PRKDC: variants seen among roughly 807,000 people sequenced by gnomAD.
The protein encoded by PRKDC is DNA-dependent protein kinase catalytic subunit.
PRKDC carries 82 observed loss-of-function variants against 486.9 expected under a neutral mutation model. The ratio of observed to expected loss-of-function variants is 0.17; its 90% CI spans 0.14 to 0.20. The LOEUF is 0.20. Among genes scored for constraint, PRKDC ranks in the 10% least tolerant of loss-of-function variants. The probability of loss-of-function intolerance (pLI) is 1.00; values close to 1 mark genes in which losing one functional copy is unlikely to be tolerated. For synonymous variants in PRKDC, 1,895 were observed against 1,837.0 expected (o/e 1.03, Z -0.81); for missense variants, 4,504 against 5,038.2 (o/e 0.89, Z 3.21).
intron 73 of PRKDC, among the ~76,000 whole-genome samples, chr8:47,796,197 A>T (rs2154498054): frequency 6.6e-6 from 1 of 152,198 alleles, no homozygotes; most frequent in South Asian, 2.1e-4. Context: ...AGAATTTTTC[A>T]AATTTTCATT....
At chr8:47,780,089 A>G (rs2154497421) in intron 80 of PRKDC, among the ~76,000 whole-genome samples, 1 of 148,386 alleles carries the variant, frequency 6.7e-6, no homozygotes, top group Non-Finnish European at 1.5e-5. Context: ...TAATTTTTCT[A>G]TTTTCAGTAG....
intron 40 of PRKDC, among the ~76,000 whole-genome samples, chr8:47,871,173 G>A (rs2088944224): frequency 6.6e-6 from 1 of 152,024 alleles, no homozygotes; most frequent in Non-Finnish European, 1.5e-5. Flanking sequence ...TTTTTCAAAG[G>A]GATAATAACA....
At chr8:47,947,713 G>T (rs553527648) in intron 7 of PRKDC, among the ~76,000 whole-genome samples, 1 of 152,264 alleles carries the variant, frequency 6.6e-6, no homozygotes, top group African/African-American at 2.4e-5. Context: ...TTCAAGACCA[G>T]CCTGGGCAAC....
chr8:47,848,097 A>C (rs1248638325), intron 54 of PRKDC, among the ~76,000 whole-genome samples: 4 of 152,188 alleles, frequency 2.6e-5, no homozygotes, highest in Non-Finnish European at 5.9e-5. Context: ...CAAGGAAGTG[A>C]GAGTTGAACT....
chr8:47,883,098 C>T (rs754616308), intron 36 of PRKDC, among the ~76,000 whole-genome samples: 3 of 152,188 alleles, frequency 2.0e-5, no homozygotes, highest in Non-Finnish European at 2.9e-5. Flanking sequence ...CCAGCAGCAT[C>T]GTGATGAGAG....
intron 27 of PRKDC, among the ~76,000 whole-genome samples, chr8:47,901,720 CT>C (rs529458994): frequency 2.7e-4 from 41 of 152,248 alleles, no homozygotes; most frequent in African/African-American, 8.7e-4. Flanking sequence ...ATCGTTATAC[CT>C]CCAACATAGA....
intron 49 of PRKDC, among the ~76,000 whole-genome samples, chr8:47,856,147 G>A (rs981091799): frequency 2.0e-5 from 3 of 152,096 alleles, no homozygotes; most frequent in Non-Finnish European, 2.9e-5. Flanking sequence ...TCTAAATTTG[G>A]TTAACTGTGA....
At position 47,777,673 on chromosome 8, in the gene PRKDC, A is replaced by G; in HGVS notation, c.12042+13T>C. The G allele has an allele frequency of 6.4e-7, 1 of 1,570,736 alleles. No homozygotes were observed. Among genetic ancestry groups the G allele is most frequent in the Non-Finnish European group, 8.7e-7 (1 of 1,154,608 alleles). On this transcript the variant is annotated intron_variant, in intron 84 of 85. Transcript: ENST00000314191. ...GTCACAAAAGTGAAAAGTGCACATGAAACAAAACCTACTTTCCAATCAAAG... is the reference window on the plus strand; with the variant it reads ...GTCACAAAAGTGAAAAGTGCACATGGAACAAAACCTACTTTCCAATCAAAG...
rs1340590339 is a variant in PRKDC at position 47,904,970 on chromosome 8, T to C, written c.2941A>G (p.Arg981Gly). 1.9e-6 allele frequency: 3 copies of C among 1,609,534 alleles called. No homozygotes were observed. The South Asian group carries it at 3.3e-5, about 18-fold the overall frequency. ...ATAACTAGTGGCTCATACAGTTGCC[T>C]TGTCACCTGAAGAAACAATACCATT... Reference protein sequence around the residue: ...RLACDVDQVTRQLYEPLVMQL... With the variant: ...RLACDVDQVTGQLYEPLVMQL... The change falls in exon 26 of 86, where the codon AGG becomes GGG. Residue 981 changes from arginine to glycine, a missense_variant. By Grantham distance (125) the Arg-to-Gly change is moderately radical. Transcript: ENST00000314191.
chr8:47,921,005 G>T (rs1246365764), intron 21 of PRKDC, among the ~76,000 whole-genome samples: 5 of 152,156 alleles, frequency 3.3e-5, no homozygotes, highest in African/African-American at 1.2e-4. Context: ...TGTAATCCCA[G>T]CACTTTGGGA....
In PRKDC at chr8:47,960,066, C is replaced by T; in HGVS notation, c.61G>A (p.Ala21Thr). The change falls in exon 1 of 86, where the codon GCT (alanine) becomes ACT (threonine). Residue 21 changes from alanine to threonine, a missense_variant. Transcript: ENST00000314191. Reference protein sequence around the residue: ...SLLRLQETLSAADRCGAALAG... With the variant: ...SLLRLQETLSTADRCGAALAG... The stretch of plus-strand genomic sequence containing the variant: ...AGGGCAGCACCGCAGCGGTCCGCAG[C>T]GGACAAGGTCTCCTGCAGCCGCAGC... The T allele has an allele frequency of 3.3e-6, 5 of 1,531,590 alleles. No individual in the cohort carries two copies. The highest frequency in any genetic ancestry group is 4.4e-6 in the Non-Finnish European group (5 of 1,145,448). 94.9% of individuals were successfully genotyped at this position (1,531,590 alleles called of 1,614,324 possible). A position where few individuals can be genotyped will look rare whatever the true frequency, so the allele number is the denominator to read the frequency against.
At chr8:47,802,089 G>T (rs2087119779) in intron 70 of PRKDC, among the ~76,000 whole-genome samples, 1 of 151,844 alleles carries the variant, frequency 6.6e-6, no homozygotes, top group African/African-American at 2.4e-5. Context: ...TTAGAAACAG[G>T]GTCTCACTAC....
At chr8:47,912,089 C>T (rs2089914332) in intron 25 of PRKDC, among the ~76,000 whole-genome samples, 1 of 152,112 alleles carries the variant, frequency 6.6e-6, no homozygotes, top group African/African-American at 2.4e-5. Flanking sequence ...TTTCTCTCTT[C>T]TTCCCTTTGT....
At chr8:47,945,828 TCTC>T (rs1034103011) in intron 7 of PRKDC, among the ~76,000 whole-genome samples, 2 of 152,062 alleles carry the variant, frequency 1.3e-5, no homozygotes, top group African/African-American at 4.8e-5. Context: ...TTCAAGCTAT[TCTC>T]CTGTCTCAGC....
chr8:47,952,241 T>C lies in PRKDC; in HGVS notation c.721+1379A>G, dbSNP rs552091849. The stretch of plus-strand genomic sequence containing the variant: ...AAGTGCCCATATACGGATGAATGAA[T>C]CAACAAAATGCAGTAAATACACACA... On this transcript the variant is annotated intron_variant, in intron 7 of 85. Coordinates refer to ENST00000314191, the MANE Select transcript of PRKDC (RefSeq NM_006904.7). 2.0e-5 allele frequency among the ~76,000 whole-genome samples: 3 copies of C among 151,934 alleles called. No homozygotes were observed. The South Asian group carries it at 6.2e-4, about 32-fold the overall frequency.
At chr8:47,787,721 A>C (rs930910466) in intron 76 of PRKDC, among the ~76,000 whole-genome samples, 5 of 152,180 alleles carry the variant, frequency 3.3e-5, no homozygotes, top group African/African-American at 1.2e-4. Flanking sequence ...TTCCAGCAAC[A>C]AAGTGGCCAT....
chr8:47,828,902 G>C (rs188599771), intron 61 of PRKDC, among the ~76,000 whole-genome samples: 1 of 152,274 alleles, frequency 6.6e-6, no homozygotes, highest in Admixed American at 6.5e-5. Flanking sequence ...CTTCTTCTGA[G>C]CATCAGCTCC....
intron 10 of PRKDC, among the ~76,000 whole-genome samples, chr8:47,942,725 C>T (rs941043324): frequency 2.0e-5 from 3 of 152,312 alleles, no homozygotes; most frequent in South Asian, 2.1e-4. Flanking sequence ...ATGACAAGCA[C>T]GGTCTCCTCA....
At chr8:47,866,156 CAAAAAAAAA>C (rs766279016) in intron 40 of PRKDC, among the ~76,000 whole-genome samples, 1 of 52,310 alleles carries the variant, frequency 1.9e-5, no homozygotes, top group Non-Finnish European at 4.3e-5. Context: ...AACTCCGTCG[CAAAAAAAAA>C]AAAAAAAAAA....
Sources: allele counts gnomAD v4.1 joint callset (sites outside exome capture counted in the v4.1 genomes callset), GRCh38; gene constraint gnomAD v4.1.1; transcripts MANE v1.5; gene names NCBI Gene and HGNC (gene_info 2026-07-23, HGNC 2026-07-21).